Variants in HORMAD2 observed in about 807,000 individuals in gnomAD.
HORMAD2 encodes HORMA domain-containing protein 2.
Under a neutral mutation model 38.8 loss-of-function variants are expected in HORMAD2, and 45 were observed. That is an observed-to-expected ratio of 1.16 (90% CI 0.91 to 1.49). The LOEUF (loss-of-function observed/expected upper bound fraction) is 1.49, where lower values mean the gene tolerates loss of function less well. Among genes scored for constraint, HORMAD2 ranks in the 40% most tolerant of loss-of-function variants. The probability of loss-of-function intolerance (pLI) is 0.00; values close to 1 mark genes in which losing one functional copy is unlikely to be tolerated. For missense variants in HORMAD2, 338 were observed against 367.0 expected, an observed-to-expected ratio of 0.92 and a Z score of 0.65; for synonymous variants, 126 against 122.8, an observed-to-expected ratio of 1.03 and a Z score of -0.17.
rs184805029 is a variant in HORMAD2, at chr22:30,097,891, T to G, written c.52-961T>G. 4.7e-3 allele frequency among the ~76,000 whole-genome samples: 710 copies of G among 152,292 alleles called. 6 individuals are homozygous for G. The highest frequency in any genetic ancestry group is 0.016 in the African/African-American group (665 of 41,554). On this transcript the variant is annotated intron_variant, in intron 2 of 10. Coordinates refer to ENST00000336726, the MANE Select transcript of HORMAD2 (RefSeq NM_152510.4). ...ATCAAGGAGAGAATTGAGTATGTCCTCGGTCAAGCCAGTGGCAGTGAGCAG... is the reference window on the plus strand; with the variant it reads ...ATCAAGGAGAGAATTGAGTATGTCCGCGGTCAAGCCAGTGGCAGTGAGCAG...
At chr22:30,103,013 A>G (rs1311342552) in intron 3 of HORMAD2, among the ~76,000 whole-genome samples, 1 of 152,196 alleles carries the variant, frequency 6.6e-6, no homozygotes, top group Non-Finnish European at 1.5e-5. Context: ...TTTGAGAATA[A>G]TCCGTGTGAA....
At chr22:30,197,219 T>A in the HORMAD2 span, among the ~76,000 whole-genome samples, 1 of 152,094 alleles carries the variant, frequency 6.6e-6, no homozygotes, top group Admixed American at 6.5e-5. Context: ...TTTCAGTTTC[T>A]TCATTCTGAA....
At chr22:30,086,664 AAGG>A (rs1166203858) in intron 1 of HORMAD2, among the ~76,000 whole-genome samples, 18 of 152,182 alleles carry the variant, frequency 1.2e-4, no homozygotes, top group Non-Finnish European at 2.1e-4. Flanking sequence ...CAGACTGGAG[AAGG>A]AGAATACCAG....
intron 5 of HORMAD2, among the ~76,000 whole-genome samples, chr22:30,111,592 G>C (rs189014323): frequency 6.6e-6 from 1 of 152,148 alleles, no homozygotes; most frequent in Admixed American, 6.5e-5. Context: ...ATGGATTTTG[G>C]TATTCATAGG....
chr22:30,167,043 T>C (rs904235114), intron 10 of HORMAD2, among the ~76,000 whole-genome samples: 1 of 152,068 alleles, frequency 6.6e-6, no homozygotes, highest in Non-Finnish European at 1.5e-5. Flanking sequence ...GCAATATGAG[T>C]GGTCTGAAAT....
At chr22:30,094,483 C>G (rs2068747478) in intron 2 of HORMAD2, among the ~76,000 whole-genome samples, 1 of 152,100 alleles carries the variant, frequency 6.6e-6, no homozygotes. Context: ...TTTGTTTATT[C>G]ATTGAGACTA....
At chr22:30,105,846 A>G (rs1921149860) in intron 5 of HORMAD2, among the ~76,000 whole-genome samples, 1 of 152,160 alleles carries the variant, frequency 6.6e-6, no homozygotes, top group Non-Finnish European at 1.5e-5. Context: ...CCATCACCTT[A>G]CAGTGTCTCT....
chr22:30,178,891 G>C (rs1339736991), downstream of HORMAD2, among the ~76,000 whole-genome samples: 1 of 151,988 alleles, frequency 6.6e-6, no homozygotes, highest in Non-Finnish European at 1.5e-5. Context: ...CATGGGTTAG[G>C]TTCATGATTG....
intron 5 of HORMAD2, among the ~76,000 whole-genome samples, chr22:30,107,892 G>A (rs111731856): frequency 0.016 from 2,349 of 147,150 alleles, 60 homozygotes; most frequent in African/African-American, 0.056. Context: ...TTTTTGAGAC[G>A]GAGTCTCGCT....
intron 1 of HORMAD2, among the ~76,000 whole-genome samples, chr22:30,091,246 CTT>C (rs2068676664): frequency 1.4e-5 from 2 of 145,930 alleles, no homozygotes; most frequent in South Asian, 2.2e-4. Context: ...CTCTCTCTCT[CTT>C]TCTTTCTCTC....
intron 10 of HORMAD2, among the ~76,000 whole-genome samples, chr22:30,165,203 T>C (rs1049424212): frequency 2.0e-5 from 3 of 152,200 alleles, no homozygotes; most frequent in Non-Finnish European, 4.4e-5. Context: ...TCATTGAAAA[T>C]CATTTGACCA....
Position 30,151,701 on chromosome 22 carries a change from A to G in HORMAD2, c.820-24362A>G, listed in dbSNP as rs961125310. ...TTGCATGTTTTAAAATTTCTTACTC[A>G]TATTATATCTTTTTAGAGGTTGCCA... On this transcript the variant is annotated intron_variant, in intron 10 of 10. Coordinates refer to ENST00000336726, the MANE Select transcript of HORMAD2 (RefSeq NM_152510.4). 7.2e-5 allele frequency among the ~76,000 whole-genome samples: 11 copies of G among 152,314 alleles called. No homozygotes were observed. The South Asian group carries it at 8.3e-4, about 11-fold the overall frequency.
chr22:30,121,152 G>C (rs913435242), intron 8 of HORMAD2, among the ~76,000 whole-genome samples: 1 of 152,176 alleles, frequency 6.6e-6, no homozygotes, highest in Non-Finnish European at 1.5e-5. Flanking sequence ...GCAAGAGTGA[G>C]GAAGGGATAC....
chr22:30,166,375 G>A (rs1216186671), intron 10 of HORMAD2, among the ~76,000 whole-genome samples: 1 of 152,124 alleles, frequency 6.6e-6, no homozygotes, highest in Non-Finnish European at 1.5e-5. Context: ...CAAATAGGTA[G>A]CCACTTACCA....
chr22:30,167,568 C>T (rs549235254), intron 10 of HORMAD2, among the ~76,000 whole-genome samples: 44 of 152,078 alleles, frequency 2.9e-4, no homozygotes, highest in South Asian at 8.3e-4. Flanking sequence ...CATTAGGAGA[C>T]GAGGGATGAA....
At chr22:30,194,600 A>T in the HORMAD2 span, among the ~76,000 whole-genome samples, 2 of 152,174 alleles carry the variant, frequency 1.3e-5, no homozygotes, top group African/African-American at 2.4e-5. Flanking sequence ...CACTTATGAG[A>T]TGTTGCAGGG....
chr22:30,187,545 G>A, the HORMAD2 span, among the ~76,000 whole-genome samples: 1,517 of 147,116 alleles, frequency 0.01, 19 homozygotes, highest in African/African-American at 0.036. Context: ...ATTTTTTTCC[G>A]TTTTTTTCAA....
chr22:30,088,152 T>C (rs1238668358), intron 1 of HORMAD2, among the ~76,000 whole-genome samples: 26 of 136,770 alleles, frequency 1.9e-4, no homozygotes, highest in African/African-American at 5.5e-5. Context: ...TACACATATG[T>C]ATACACGTAT....
chr22:30,128,520 T>C lies in HORMAD2; in HGVS notation c.819+6306T>C, dbSNP rs191496839. Among the ~76,000 whole-genome samples the C allele has an allele frequency of 1.8e-3, 275 of 152,330 alleles. 1 individual carries two copies. Among genetic ancestry groups the C allele is most frequent in the Middle Eastern group, 6.8e-3 (2 of 294 alleles). Reference sequence around the variant, plus strand: ...TTAGGTTAATTCTTGATTTTGCTATTATAAAGTATTATAATAAATACCTTT... The same window carrying C: ...TTAGGTTAATTCTTGATTTTGCTATCATAAAGTATTATAATAAATACCTTT... On this transcript the variant is annotated intron_variant, in intron 10 of 10. Transcript: ENST00000336726.
Sources: gnomAD v4.1 joint callset for allele counts (sites outside exome capture counted in the v4.1 genomes callset) on GRCh38, gnomAD v4.1.1 for gene constraint, MANE v1.5 for transcripts, NCBI Gene and HGNC (gene_info 2026-07-23, HGNC 2026-07-21) for gene names.